The following TFAM variants were observed in gnomAD, a reference collection of about 807,000 sequenced individuals.
TFAM encodes transcription factor A, mitochondrial.
TFAM carries 13 observed loss-of-function variants against 30.6 expected under a neutral mutation model. That is an observed-to-expected ratio of 0.42 (90% confidence interval 0.28 to 0.67). The LOEUF is 0.67. TFAM is among the 30% of genes least tolerant of loss of function. The pLI, the probability that TFAM is intolerant of heterozygous loss-of-function variation, is 0.21. For missense variants in TFAM, 231 were observed against 293.7 expected (o/e 0.79, Z 1.56); for synonymous variants, 106 against 94.8 (o/e 1.12, Z -0.69).
intron 4 of TFAM, 81 bp from the exon 5 acceptor site, chr10:58,390,684 T>C: frequency 1.0e-6 from 1 of 971,832 alleles, no homozygotes. Flanking sequence ...TAATGCGTAG[T>C]AGTGAATAAA....
At chr10:58,392,487 G>A (rs60172174) in intron 5 of TFAM, among the ~76,000 whole-genome samples, 1 of 150,568 alleles carries the variant, frequency 6.6e-6, no homozygotes, top group African/African-American at 2.4e-5. Flanking sequence ...TTTTCCTTTA[G>A]TCTTCTTTCC....
Position 58,386,280 on chromosome 10 carries a change from A to C in TFAM, c.162A>C (p.Val54=). The C allele has an allele frequency of 6.2e-7, 1 of 1,613,930 alleles. No individual in the cohort carries two copies. The highest frequency in any genetic ancestry group is 8.5e-7 in the Non-Finnish European group (1 of 1,179,990). ...SVLASCPKKP[V]SSYLRFSKEQ... is the part of the protein sequence containing the mutation. ...TGGCAAGTTGTCCAAAGAAACCTGTAAGTTCTTACCTTCGATTTTCTAAAG... is the reference window on the plus strand; with the variant it reads ...TGGCAAGTTGTCCAAAGAAACCTGTCAGTTCTTACCTTCGATTTTCTAAAG... Residue 54 remains valine, a synonymous_variant, in exon 2 of 7, where the codon GTA becomes GTC. Coordinates refer to ENST00000487519, the MANE Select transcript of TFAM (RefSeq NM_003201.3).
In TFAM at chr10:58,388,838, CT is replaced by C. The variant is rs1840540312; in HGVS notation, c.441+25del. On this transcript the variant is annotated intron_variant, in intron 4 of 6. Coordinates refer to ENST00000487519, the MANE Select transcript of TFAM (RefSeq NM_003201.3). The stretch of plus-strand genomic sequence containing the variant: ...AAAAAAAGTGAGTATCATTGAAATA[CT>C]TTTTTCTTATGGTAAAGAATTGAGA... The C allele has an allele frequency of 6.3e-7, 1 of 1,584,798 alleles. No homozygotes were observed. The highest frequency in any genetic ancestry group is 1.4e-5 in the African/African-American group (1 of 74,038).
intron 6 of TFAM, 80 bp downstream of exon 6, chr10:58,394,494 G>A (rs1840648164): frequency 8.5e-7 from 1 of 1,173,262 alleles, no homozygotes. Flanking sequence ...CTTGATTCAT[G>A]TGAAGACAAC....
At chr10:58,388,867 T>A in intron 4 of TFAM, 48 bp downstream of exon 4, 1 of 1,496,884 alleles carries the variant, frequency 6.7e-7, no homozygotes, top group Non-Finnish European at 9.2e-7. Flanking sequence ...AATTGAGATT[T>A]ATATAACTAT....
intron 4 of TFAM, among the ~76,000 whole-genome samples, chr10:58,389,941 C>T (rs1037441053): frequency 6.6e-6 from 1 of 152,174 alleles, no homozygotes; most frequent in Non-Finnish European, 1.5e-5. Context: ...GTAAAACCCT[C>T]AGGAGAGAAA....
chr10:58,387,941 A>G (rs1365549690), intron 2 of TFAM, among the ~76,000 whole-genome samples: 1 of 152,138 alleles, frequency 6.6e-6, no homozygotes, highest in African/African-American at 2.4e-5. Flanking sequence ...GTCTCAAAAA[A>G]AAAAAAAAAT....
intron 4 of TFAM, 55 bp from the exon 5 acceptor site, chr10:58,390,710 A>T (rs1840576627): frequency 1.5e-6 from 2 of 1,339,902 alleles, no homozygotes; most frequent in Non-Finnish European, 2.1e-6. Context: ...TGTAGGTAAA[A>T]TTAAGTCTCA....
chr10:58,385,610 G>A lies in TFAM; in HGVS notation c.63G>A (p.Leu21=). 1 of 1,566,870 alleles carries A rather than the reference G, an allele frequency of 6.4e-7. No homozygotes were observed. Among genetic ancestry groups the A allele is most frequent in the Non-Finnish European group, 8.7e-7 (1 of 1,155,288 alleles). Residue 21 remains leucine, a synonymous_variant, in exon 1 of 7, where the codon CTG becomes CTA. Transcript: ENST00000487519. The part of the protein sequence containing the change: ...LSALGRSGAE[L]CTGCGSRLRS... Reference sequence around the variant, plus strand: ...CCCTGGGAAGGTCTGGAGCAGAGCTGTGCACCGGCTGTGGAAGTCGACTGC... The same window carrying A: ...CCCTGGGAAGGTCTGGAGCAGAGCTATGCACCGGCTGTGGAAGTCGACTGC...
rs376754701 is a variant in TFAM at position 58,388,249 on chromosome 10, T to G, written c.280T>G (p.Ser94Ala). Reference protein sequence around the residue: ...IAQRWRELPDSKKKIYQDAYR... With the variant: ...IAQRWRELPDAKKKIYQDAYR... ...CCAGCGTTGGAGGGAACTTCCTGAT[T>G]CAAAGAAAAAAGTAAGCACATAAGT... The change falls in exon 3 of 7, where the codon TCA (serine) becomes GCA (alanine). Residue 94 changes from serine to alanine, a missense_variant. By Grantham distance (99) the Ser-to-Ala change is moderately conservative. Coordinates refer to ENST00000487519, the MANE Select transcript of TFAM (RefSeq NM_003201.3). The G allele has an allele frequency of 3.5e-5, 57 of 1,613,918 alleles. No homozygotes were observed. The highest frequency in any genetic ancestry group is 1.7e-4 in the Middle Eastern group (1 of 6,058).
intron 5 of TFAM, among the ~76,000 whole-genome samples, chr10:58,393,271 A>G (rs928288711): frequency 6.6e-6 from 1 of 152,022 alleles, no homozygotes; most frequent in Non-Finnish European, 1.5e-5. Context: ...GAGCCACCAC[A>G]CCTGGCCCTA....
At chr10:58,392,130 CTGT>C (rs934857577) in intron 5 of TFAM, among the ~76,000 whole-genome samples, 1 of 152,008 alleles carries the variant, frequency 6.6e-6, no homozygotes, top group African/African-American at 2.4e-5. Context: ...GCTTTTGCTT[CTGT>C]TGTTTACTTT....
rs1292435101 is a variant in TFAM at position 58,395,814 on chromosome 10, A to T, written c.*740A>T. On this transcript the variant is annotated 3_prime_UTR_variant, in exon 7 of 7. Transcript: ENST00000487519. Reference sequence around the variant, plus strand: ...TCCCTTTTTTTAAGTAAGGAATTTTATTTTTTTCTGAATTATTTTCTCTCG... The same window carrying T: ...TCCCTTTTTTTAAGTAAGGAATTTTTTTTTTTTCTGAATTATTTTCTCTCG... 7.3e-6 allele frequency: 2 copies of T among 274,364 alleles called. No individual in the cohort carries two copies. The allele number at this position is 274,364 out of a possible 1,614,324, so 17.0% of individuals were successfully genotyped here.
intron 5 of TFAM, among the ~76,000 whole-genome samples, chr10:58,391,895 A>G (rs1840605018): frequency 6.6e-6 from 1 of 150,504 alleles, no homozygotes; most frequent in Admixed American, 6.6e-5. Context: ...ATTTTCCCTG[A>G]AGTTGCTTAT....
rs1278611997 is a variant in TFAM, at chr10:58,388,250, C to G, written c.281C>G (p.Ser94Ter). 6.2e-7 allele frequency: 1 copy of G among 1,613,584 alleles called. No individual in the cohort carries two copies. The highest frequency in any genetic ancestry group is 8.5e-7 in the Non-Finnish European group (1 of 1,179,762). Residue 94 changes from serine (S) to a stop codon, truncating the protein, a stop_gained, in exon 3 of 7, where the codon TCA (serine) becomes TGA (stop). Transcript: ENST00000487519. LOFTEE classifies it high-confidence loss of function. ...CAGCGTTGGAGGGAACTTCCTGATT[C>G]AAAGAAAAAAGTAAGCACATAAGTT... ...IAQRWRELPD[S>*]KKKIYQDAYR...
Position 58,388,991 on chromosome 10 carries a change from A to G in TFAM, c.441+172A>G, listed in dbSNP as rs16912188. 0.085 allele frequency among the ~76,000 whole-genome samples: 13,016 copies of G among 152,244 alleles called. 905 individuals carry two copies. Among genetic ancestry groups the G allele is most frequent in the East Asian group, 0.32 (1,629 of 5,170 alleles). Reference sequence around the variant, plus strand: ...TCTTATGAAAAGTGAGATAGCCACTAGGACCACTTGCCATTGAGTCTGTTT... The same window carrying G: ...TCTTATGAAAAGTGAGATAGCCACTGGGACCACTTGCCATTGAGTCTGTTT... On this transcript the variant is annotated intron_variant, in intron 4 of 6. Coordinates refer to ENST00000487519, the MANE Select transcript of TFAM (RefSeq NM_003201.3).
At chr10:58,386,116 T>A in intron 1 of TFAM, 104 bp from the exon 2 acceptor site, 1 of 847,192 alleles carries the variant, frequency 1.2e-6, no homozygotes, top group South Asian at 1.3e-5. Context: ...GTTGGATACA[T>A]AGTATCTTGA....
At position 58,395,766 on chromosome 10, in the gene TFAM, C is replaced by T. The variant is rs536337596; in HGVS notation, c.*692C>T. The T allele has an allele frequency of 1.2e-4, 35 of 297,578 alleles. No individual in the cohort carries two copies. In the South Asian group the frequency reaches 3.8e-3, roughly 33 times the overall value. The allele number at this position is 297,578 out of a possible 1,614,324, so 18.4% of individuals were successfully genotyped here. ...TACATTTCCTAAATATATTTTAAGA[C>T]GAAACATTTGTTCTATAGCTTTTCC... On this transcript the variant is annotated 3_prime_UTR_variant, in exon 7 of 7. Coordinates refer to ENST00000487519, the MANE Select transcript of TFAM (RefSeq NM_003201.3).
In TFAM at chr10:58,385,668, C is replaced by G; in HGVS notation, c.101+20C>G. 6.5e-7 allele frequency: 1 copy of G among 1,538,274 alleles called. No homozygotes were observed. Among genetic ancestry groups the G allele is most frequent in the Non-Finnish European group, 8.8e-7 (1 of 1,135,404 alleles). ...CTTCAGGTAGGCCCGCTTGCCTGTG[C>G]CCTAGGGGCAGCAGGGCCCAGGACG... On this transcript the variant is annotated intron_variant, in intron 1 of 6. Transcript: ENST00000487519.
Sources: gnomAD v4.1 joint callset for allele counts (sites outside exome capture counted in the v4.1 genomes callset) on GRCh38, gnomAD v4.1.1 for gene constraint, MANE v1.5 for transcripts, NCBI Gene and HGNC (gene_info 2026-07-23, HGNC 2026-07-21) for gene names.